The following ABLIM3 variants were observed in gnomAD, a reference collection of about 807,000 sequenced individuals.
ABLIM3 encodes actin-binding LIM protein 3.
A neutral mutation model predicts 109.5 loss-of-function variants in ABLIM3; 61 were observed. That is an observed-to-expected ratio of 0.56 (90% CI 0.45 to 0.69). ABLIM3 has a LOEUF of 0.69. ABLIM3 is among the 30% of genes least tolerant of loss of function. The pLI is 0.00. For missense variants in ABLIM3, 796 were observed against 889.5 expected, an observed-to-expected ratio of 0.89 and a Z score of 1.34; for synonymous variants, 300 against 324.8, an observed-to-expected ratio of 0.92 and a Z score of 0.82.
chr5:149,153,679 A>C (rs1315142252), intron 2 of ABLIM3, among the ~76,000 whole-genome samples: 2 of 152,158 alleles, frequency 1.3e-5, no homozygotes, highest in African/African-American at 4.8e-5. Flanking sequence ...TGCTGGGGAG[A>C]GGATGTTGAA....
chr5:149,238,100 C>A (rs1653085328), intron 11 of ABLIM3, among the ~76,000 whole-genome samples: 1 of 152,262 alleles, frequency 6.6e-6, no homozygotes, highest in Non-Finnish European at 1.5e-5. Flanking sequence ...TGGCCTTTAG[C>A]CCCAGTGTCT....
intron 2 of ABLIM3, among the ~76,000 whole-genome samples, chr5:149,163,516 T>C (rs1263104129): frequency 6.6e-6 from 1 of 152,044 alleles, no homozygotes; most frequent in East Asian, 1.9e-4. Flanking sequence ...ATGGGCAAGG[T>C]TGGTTTCTTC....
intron 8 of ABLIM3, among the ~76,000 whole-genome samples, chr5:149,228,714 T>C (rs1200915397): frequency 6.6e-6 from 1 of 152,238 alleles, no homozygotes; most frequent in African/African-American, 2.4e-5. Context: ...TTTACAGATA[T>C]ACTACCAACT....
chr5:149,185,533 G>T (rs1444703059), intron 3 of ABLIM3, among the ~76,000 whole-genome samples: 3 of 152,158 alleles, frequency 2.0e-5, no homozygotes, highest in African/African-American at 7.2e-5. Flanking sequence ...GATTTCAAGG[G>T]TGTTAATACA....
At chr5:149,214,595 G>A (rs1405593197) in intron 7 of ABLIM3, among the ~76,000 whole-genome samples, 1 of 152,200 alleles carries the variant, frequency 6.6e-6, no homozygotes, top group East Asian at 1.9e-4. Flanking sequence ...AAAGGCTTGG[G>A]ACTGTTTCTG....
intron 3 of ABLIM3, among the ~76,000 whole-genome samples, chr5:149,188,495 C>G (rs1757181040): frequency 6.6e-6 from 1 of 152,074 alleles, no homozygotes; most frequent in Non-Finnish European, 1.5e-5. Context: ...TAAACAAGGC[C>G]TAAATAAATG....
intron 2 of ABLIM3, among the ~76,000 whole-genome samples, chr5:149,157,088 G>A (rs961796862): frequency 2.0e-5 from 3 of 152,200 alleles, no homozygotes; most frequent in African/African-American, 7.2e-5. Context: ...AATAGACACA[G>A]AGAGGACCAG....
rs1759451572 is a variant in ABLIM3 at position 149,210,669 on chromosome 5, G to A, written c.576-57G>A. The stretch of plus-strand genomic sequence containing the variant: ...TGCAGGTCCAGAATCTAAATGCCAT[G>A]TGCACCCTCACTGATCCTCCCTAAC... On this transcript the variant is annotated intron_variant, in intron 6 of 23. Coordinates refer to ENST00000309868, the MANE Select transcript of ABLIM3 (RefSeq NM_014945.5). 3.4e-6 allele frequency: 5 copies of A among 1,476,732 alleles called. No individual in the cohort carries two copies. In the East Asian group the frequency reaches 6.8e-5, roughly 20 times the overall value. 91.5% of individuals were successfully genotyped at this position (1,476,732 alleles called of 1,614,324 possible). A position where few individuals can be genotyped will look rare whatever the true frequency, so the allele number is the denominator to read the frequency against.
intron 6 of ABLIM3, 89 bp from the exon 7 acceptor site, chr5:149,210,637 C>T: frequency 2.7e-6 from 3 of 1,101,532 alleles, no homozygotes; most frequent in South Asian, 2.5e-5. Flanking sequence ...GCTCAGTCAA[C>T]ATAGGCTGCA....
chr5:149,164,562 C>A (rs1047082654), intron 2 of ABLIM3, among the ~76,000 whole-genome samples: 10 of 152,116 alleles, frequency 6.6e-5, no homozygotes, highest in Admixed American at 4.6e-4. Context: ...CCCTGGACCC[C>A]CTGAGTCAAA....
chr5:149,146,533 G>A (rs547575880), intron 2 of ABLIM3, among the ~76,000 whole-genome samples: 2 of 152,254 alleles, frequency 1.3e-5, no homozygotes, highest in South Asian at 2.1e-4. Flanking sequence ...TTCTGCATGT[G>A]GTTAGCCAAC....
chr5:149,242,673 C>T, intron 15 of ABLIM3, 135 bp downstream of exon 15: 1 of 926,062 alleles, frequency 1.1e-6, no homozygotes, highest in Non-Finnish European at 1.8e-6. Flanking sequence ...GTTGACTGCC[C>T]CATCACCCAG....
chr5:149,230,389 G>A (rs909213542), intron 8 of ABLIM3, among the ~76,000 whole-genome samples: 1 of 152,148 alleles, frequency 6.6e-6, no homozygotes, highest in African/African-American at 2.4e-5. Context: ...CCCCCAACTG[G>A]CAGGTAAGAA....
chr5:149,165,521 A>C (rs1754741516), intron 2 of ABLIM3, among the ~76,000 whole-genome samples: 1 of 152,240 alleles, frequency 6.6e-6, no homozygotes, highest in Non-Finnish European at 1.5e-5. Flanking sequence ...ACAAGTAACC[A>C]AAACCCAGTT....
rs192445313 is a variant in ABLIM3 at position 149,169,205 on chromosome 5, C to A, written c.14-14247C>A. 3.0e-3 allele frequency among the ~76,000 whole-genome samples: 454 copies of A among 151,582 alleles called. 2 individuals are homozygous for A. Among genetic ancestry groups the A allele is most frequent in the Admixed American group, 4.0e-3 (61 of 15,254 alleles). The stretch of plus-strand genomic sequence containing the variant: ...AATGTTTGCAGCGACAAGCGACAGC[C>A]CCCAGCTAAAACTGGCTTGAACAAT... On this transcript the variant is annotated intron_variant, in intron 2 of 23. Coordinates refer to ENST00000309868, the MANE Select transcript of ABLIM3 (RefSeq NM_014945.5).
rs77653018 is a variant in ABLIM3, at chr5:149,249,787, A to G, written c.1700-28A>G. The G allele has an allele frequency of 1.3e-3, 2,101 of 1,614,068 alleles. 23 individuals carry two copies. In the African/African-American group the frequency reaches 0.02, roughly 16 times the overall value. On this transcript the variant is annotated intron_variant, in intron 18 of 23. Transcript: ENST00000309868. ...ACCATGTTTGTCTTTCCTCATGAGC[A>G]ATGACCTTCAGCTTTTCTCTCCTGC... is the stretch of plus-strand genomic sequence containing the variant.
chr5:149,153,306 C>T (rs138202236), intron 2 of ABLIM3, among the ~76,000 whole-genome samples: 232 of 152,292 alleles, frequency 1.5e-3, no homozygotes, highest in African/African-American at 5.2e-3. Context: ...GAGACACTTC[C>T]CTTTCCTCCA....
At chr5:149,225,625 C>T (rs1031009235) in intron 8 of ABLIM3, among the ~76,000 whole-genome samples, 4 of 151,934 alleles carry the variant, frequency 2.6e-5, no homozygotes, top group Non-Finnish European at 5.9e-5. Flanking sequence ...TCTTCAGTGA[C>T]GTTTTGTGAG....
intron 23 of ABLIM3, 27 bp from the exon 24 acceptor site, chr5:149,258,264 C>A (rs201859686): frequency 4.6e-5 from 74 of 1,604,700 alleles, no homozygotes; most frequent in South Asian, 4.0e-4. Flanking sequence ...TCTGTCCCCC[C>A]ACCCCCGCCT....
Sources: allele counts gnomAD v4.1 joint callset (sites outside exome capture counted in the v4.1 genomes callset), GRCh38; gene constraint gnomAD v4.1.1; transcripts MANE v1.5; gene names NCBI Gene and HGNC (gene_info 2026-07-23, HGNC 2026-07-21).